TMEM132D: variants seen among roughly 807,000 people sequenced by gnomAD.
The protein encoded by TMEM132D is transmembrane protein 132D.
TMEM132D carries 21 observed loss-of-function variants against 62.3 expected under a neutral mutation model. The observed-to-expected ratio is 0.34, with a 90% CI of 0.24 to 0.49. The LOEUF (loss-of-function observed/expected upper bound fraction) is 0.49, where lower values mean the gene tolerates loss of function less well. Ranked by LOEUF, TMEM132D falls within the 20% of genes least tolerant of loss-of-function variation. The pLI, the probability that TMEM132D is intolerant of heterozygous loss-of-function variation, is 0.99. For synonymous variants in TMEM132D, 621 were observed against 575.6 expected, an observed-to-expected ratio of 1.08 and a Z score of -1.13; for missense variants, 1,346 against 1,402.8, an observed-to-expected ratio of 0.96 and a Z score of 0.65.
intron 3 of TMEM132D, among the ~76,000 whole-genome samples, chr12:129,439,240 A>C (rs1457954989): frequency 6.6e-6 from 1 of 152,184 alleles, no homozygotes; most frequent in East Asian, 1.9e-4. Context: ...TCCCAGTAAG[A>C]ATAGCTCAGC....
intron 3 of TMEM132D, among the ~76,000 whole-genome samples, chr12:129,421,149 G>A (rs966815091): frequency 2.0e-5 from 3 of 152,026 alleles, no homozygotes; most frequent in African/African-American, 7.2e-5. Context: ...TTTTGGTAGA[G>A]ATGGGGTTTC....
intron 3 of TMEM132D, among the ~76,000 whole-genome samples, chr12:129,381,868 G>A (rs565705656): frequency 6.6e-6 from 1 of 152,248 alleles, no homozygotes; most frequent in South Asian, 2.1e-4. Context: ...CTCACTACCT[G>A]CTGCCCAGCA....
chr12:129,184,001 C>T (rs1283546538), intron 5 of TMEM132D, among the ~76,000 whole-genome samples: 1 of 152,140 alleles, frequency 6.6e-6, no homozygotes, highest in Non-Finnish European at 1.5e-5. Context: ...GGCTTCCTTT[C>T]AGAAGGGGCA....
At chr12:129,716,732 C>T (rs956886287) in intron 1 of TMEM132D, among the ~76,000 whole-genome samples, 2 of 152,026 alleles carry the variant, frequency 1.3e-5, no homozygotes, top group Admixed American at 6.6e-5. Flanking sequence ...TTGTAATCTG[C>T]AAGGGTGCTT....
rs1415568086 is a variant in TMEM132D at position 129,895,518 on chromosome 12, A to G, written c.79+7743T>C. On this transcript the variant is annotated intron_variant, in intron 1 of 8. Transcript: ENST00000422113. ...TTGTGCCTCCCTGGTCTTGACCACA[A>G]GGCCTCCTCGGGCCAATTGGGCTTC... is the stretch of plus-strand genomic sequence containing the variant. 2.0e-5 allele frequency among the ~76,000 whole-genome samples: 3 copies of G among 152,302 alleles called. No individual in the cohort carries two copies. In the East Asian group the frequency reaches 5.8e-4, roughly 29 times the overall value.
At chr12:129,326,972 A>C (rs1479743025) in intron 4 of TMEM132D, among the ~76,000 whole-genome samples, 1 of 152,214 alleles carries the variant, frequency 6.6e-6, no homozygotes, top group African/African-American at 2.4e-5. Flanking sequence ...GCCTCTATGC[A>C]GAAGGGAGTG....
chr12:129,530,783 G>A lies in TMEM132D; in HGVS notation c.1115+276C>T, dbSNP rs555149703. Among the ~76,000 whole-genome samples, 133 of 152,272 alleles carry A rather than the reference G, an allele frequency of 8.7e-4. 1 individual carries two copies. Among genetic ancestry groups the A allele is most frequent in the Non-Finnish European group, 4.1e-4 (28 of 68,028 alleles). On this transcript the variant is annotated intron_variant, in intron 3 of 8. Coordinates refer to ENST00000422113, the MANE Select transcript of TMEM132D (RefSeq NM_133448.3). Reference sequence around the variant, plus strand: ...GACTAGAAAGAGGTCATGTTGAAGAGGAACATGGTTTGTGGGTCAATTCCA... The same window carrying A: ...GACTAGAAAGAGGTCATGTTGAAGAAGAACATGGTTTGTGGGTCAATTCCA...
At chr12:129,396,457 T>A (rs1162124706) in intron 3 of TMEM132D, among the ~76,000 whole-genome samples, 2 of 152,206 alleles carry the variant, frequency 1.3e-5, no homozygotes, top group Non-Finnish European at 2.9e-5. Flanking sequence ...CAAAGTCACA[T>A]CCATAAGAGA....
At chr12:129,422,653 A>G (rs372960381) in intron 3 of TMEM132D, among the ~76,000 whole-genome samples, 1 of 152,232 alleles carries the variant, frequency 6.6e-6, no homozygotes, top group East Asian at 1.9e-4. Context: ...TCAACAATTT[A>G]CATATTCTTT....
rs548382205 is a variant in TMEM132D at position 129,404,537 on chromosome 12, G to C, written c.1116-66720C>G. Among the ~76,000 whole-genome samples, 3 of 152,274 alleles carry C rather than the reference G, an allele frequency of 2.0e-5. No individual in the cohort carries two copies. The East Asian group carries it at 5.8e-4, about 29-fold the overall frequency. On this transcript the variant is annotated intron_variant, in intron 3 of 8. Coordinates refer to ENST00000422113, the MANE Select transcript of TMEM132D (RefSeq NM_133448.3). The stretch of plus-strand genomic sequence containing the variant: ...ATAAAGAAAAGAAAAAGGTTTAATC[G>C]GTTTGTTTCTGCAGGCTGTACAAAC...
chr12:129,439,077 T>C (rs369635723), intron 3 of TMEM132D, among the ~76,000 whole-genome samples: 3 of 152,210 alleles, frequency 2.0e-5, no homozygotes, highest in Admixed American at 6.5e-5. Context: ...ATGTACACTT[T>C]CCTTGCAAGA....
At chr12:129,178,231 T>G (rs1481974660) in intron 5 of TMEM132D, among the ~76,000 whole-genome samples, 2 of 152,238 alleles carry the variant, frequency 1.3e-5, no homozygotes, top group South Asian at 4.1e-4. Context: ...GTGGTGAACA[T>G]ACATGTGCAT....
chr12:129,381,945 T>C (rs1434873638), intron 3 of TMEM132D, among the ~76,000 whole-genome samples: 1 of 152,204 alleles, frequency 6.6e-6, no homozygotes, highest in Non-Finnish European at 1.5e-5. Context: ...ATGTAAATGA[T>C]TACACAGACC....
At position 129,367,422 on chromosome 12, in the gene TMEM132D, T is replaced by C. The variant is rs1211206895; in HGVS notation, c.1116-29605A>G. ...CCTTTAGGGAACTTCCCCTCCCTGA[T>C]GCATGTGCCTCAAATGCAGCAGCCA... On this transcript the variant is annotated intron_variant, in intron 3 of 8. Transcript: ENST00000422113. Among the ~76,000 whole-genome samples, 3 of 152,134 alleles carry C rather than the reference T, an allele frequency of 2.0e-5. 1 individual carries two copies. Among genetic ancestry groups the C allele is most frequent in the South Asian group, 4.1e-4 (2 of 4,830 alleles).
chr12:129,653,576 C>A (rs964930148), intron 2 of TMEM132D, among the ~76,000 whole-genome samples: 3 of 152,150 alleles, frequency 2.0e-5, no homozygotes, highest in Non-Finnish European at 4.4e-5. Flanking sequence ...AGTTGCCCAG[C>A]AATATGAACA....
chr12:129,833,271 C>T (rs929454779), intron 1 of TMEM132D, among the ~76,000 whole-genome samples: 5 of 152,110 alleles, frequency 3.3e-5, no homozygotes, highest in Non-Finnish European at 5.9e-5. Flanking sequence ...AACCTTGTTC[C>T]CTTTCTGCCC....
intron 1 of TMEM132D, chr12:129,839,792 T>C (rs1873126432): frequency 6.6e-6 from 1 of 152,190 alleles, no homozygotes; most frequent in Admixed American, 6.5e-5. Flanking sequence ...GCGATCCGGA[T>C]CCAAAGGAAC....
intron 4 of TMEM132D, among the ~76,000 whole-genome samples, chr12:129,218,280 A>G (rs886665272): frequency 1.3e-5 from 2 of 152,226 alleles, no homozygotes; most frequent in African/African-American, 4.8e-5. Flanking sequence ...GTGAACAGTT[A>G]TGGGTCACTA....
chr12:129,288,418 G>A (rs1416133139), intron 4 of TMEM132D, among the ~76,000 whole-genome samples: 2 of 152,126 alleles, frequency 1.3e-5, no homozygotes, highest in Non-Finnish European at 2.9e-5. Flanking sequence ...AAACCACTAA[G>A]AACCCAATTT....
Sources: gnomAD v4.1 joint callset for allele counts (sites outside exome capture counted in the v4.1 genomes callset) on GRCh38, gnomAD v4.1.1 for gene constraint, MANE v1.5 for transcripts, NCBI Gene and HGNC (gene_info 2026-07-23, HGNC 2026-07-21) for gene names.